Variants in GAD1 observed in about 807,000 individuals in gnomAD.
The protein encoded by GAD1 is glutamate decarboxylase 1, also known as 67 kDa glutamic acid decarboxylase.
GAD1 carries 35 observed loss-of-function variants against 75.2 expected under a neutral mutation model. The observed-to-expected ratio is 0.47, with a 90% CI of 0.36 to 0.62. GAD1 has a LOEUF of 0.62. Ranked by LOEUF, GAD1 falls within the 20% of genes least tolerant of loss-of-function variation. The pLI, the probability that GAD1 is intolerant of heterozygous loss-of-function variation, is 0.00. For synonymous variants in GAD1, 257 were observed against 271.9 expected, an observed-to-expected ratio of 0.95 and a Z score of 0.54; for missense variants, 490 against 758.5, an observed-to-expected ratio of 0.65 and a Z score of 4.16.
chr2:170,842,892 C>T (rs767448018), intron 6 of GAD1: 10 of 589,838 alleles, frequency 1.7e-5, no homozygotes, highest in African/African-American at 3.7e-5. Context: ...CTCATCCTTA[C>T]AAATAGCTTT....
At chr2:170,856,830 A>T (rs1702863968) in intron 14 of GAD1, among the ~76,000 whole-genome samples, 188 bp from the exon 15 acceptor site, 1 of 152,218 alleles carries the variant, frequency 6.6e-6, no homozygotes, top group Admixed American at 6.5e-5. Flanking sequence ...TGAAAGAGGA[A>T]GCAGGCACAC....
intron 3 of GAD1, among the ~76,000 whole-genome samples, chr2:170,827,037 C>T (rs1357705083): frequency 6.6e-6 from 1 of 152,080 alleles, no homozygotes; most frequent in East Asian, 1.9e-4. Flanking sequence ...TATTTCCCCC[C>T]TTCTCATGTC....
At chr2:170,843,249 G>C (rs1429576734) in intron 6 of GAD1, among the ~76,000 whole-genome samples, 2 of 152,164 alleles carry the variant, frequency 1.3e-5, no homozygotes, top group Non-Finnish European at 2.9e-5. Flanking sequence ...GAATTGCTTT[G>C]AAAAGAGCAT....
Position 170,844,113 on chromosome 2 carries a change from T to G in GAD1, c.707T>G (p.Ile236Arg). ...EQITLKKMREIVGWSSKDGDG... is the reference protein window; with the variant it reads ...EQITLKKMRERVGWSSKDGDG... ...ATAACACTTAAGAAGATGAGAGAGA[T>G]AGTTGGATGGTCAAGTAAAGATGGT... Residue 236 changes from isoleucine to arginine, a missense_variant, in exon 7 of 17, where the codon ATA (isoleucine) becomes AGA (arginine). Ile to Arg is a moderately conservative substitution (Grantham distance 97). Coordinates refer to ENST00000358196, the MANE Select transcript of GAD1 (RefSeq NM_000817.3). 1 of 1,610,380 alleles carries G rather than the reference T, an allele frequency of 6.2e-7. No homozygotes were observed. Among genetic ancestry groups the G allele is most frequent in the Non-Finnish European group, 8.5e-7 (1 of 1,176,656 alleles).
intron 5 of GAD1, among the ~76,000 whole-genome samples, chr2:170,834,512 C>T (rs1248922836): frequency 6.6e-6 from 1 of 152,152 alleles, no homozygotes; most frequent in South Asian, 2.1e-4. Flanking sequence ...TAACAGGCAC[C>T]AGTCAGCCTT....
chr2:170,834,005 A>G (rs1039352899), intron 5 of GAD1, among the ~76,000 whole-genome samples: 1 of 151,946 alleles, frequency 6.6e-6, no homozygotes. Flanking sequence ...TGTTTCAAAA[A>G]AAAAAAAAGA....
At chr2:170,854,389 C>T (rs1702806785) in intron 14 of GAD1, among the ~76,000 whole-genome samples, 1 of 149,510 alleles carries the variant, frequency 6.7e-6, no homozygotes, top group South Asian at 2.1e-4. Context: ...TGAGTAGAAC[C>T]TTGAATTCTT....
chr2:170,847,400 G>T (rs192517451), intron 10 of GAD1, among the ~76,000 whole-genome samples: 1 of 151,916 alleles, frequency 6.6e-6, no homozygotes, highest in Non-Finnish European at 1.5e-5. Context: ...TGTAAACTCC[G>T]CAATGACAGA....
At chr2:170,842,542 A>C in intron 6 of GAD1, 3 of 1,609,876 alleles carry the variant, frequency 1.9e-6, no homozygotes, top group Non-Finnish European at 2.6e-6. Context: ...TAAACCAGGA[A>C]TCCTTCTCTT....
rs566961236 is a variant in GAD1 at position 170,845,916 on chromosome 2, G to T, written c.948-93G>T. 2.2e-4 allele frequency: 327 copies of T among 1,465,138 alleles called. 1 individual carries two copies. The highest frequency in any genetic ancestry group is 3.0e-4 in the Non-Finnish European group (312 of 1,045,452). The allele number at this position is 1,465,138 out of a possible 1,614,324, so 90.8% of individuals were successfully genotyped here. On this transcript the variant is annotated intron_variant, in intron 9 of 16. Transcript: ENST00000358196. ...TGCTAATGGTCTGTTGAAAATATCC[G>T]ATTAAATTGCTTTTTGCTGCTGCTA...
rs936357885 is a variant in GAD1, at chr2:170,860,040, C to T, written c.*158C>T. The stretch of plus-strand genomic sequence containing the variant: ...AAACCTTACTTAAAGCTTGTTTGTT[C>T]TAGTTAGCAGGAAATAGTGTTCTTT... On this transcript the variant is annotated 3_prime_UTR_variant, in exon 17 of 17. Coordinates refer to ENST00000358196, the MANE Select transcript of GAD1 (RefSeq NM_000817.3). The T allele has an allele frequency of 5.3e-6, 4 of 754,842 alleles. No homozygotes were observed. The highest frequency in any genetic ancestry group is 5.2e-5 in the African/African-American group (3 of 57,352). 46.8% of individuals were successfully genotyped at this position (754,842 alleles called of 1,614,324 possible).
upstream of GAD1, among the ~76,000 whole-genome samples, chr2:170,813,589 C>G (rs1285921053): frequency 1.3e-5 from 2 of 152,192 alleles, no homozygotes; most frequent in African/African-American, 2.4e-5. Context: ...GTCTACTCAC[C>G]TTGACTGACC....
chr2:170,848,931 T>C (rs1702694382), intron 11 of GAD1: 1 of 420,032 alleles, frequency 2.4e-6, no homozygotes, highest in Admixed American at 3.0e-5. Context: ...CCTCAGTTTT[T>C]TGAGCAGCTT....
Position 170,857,256 on chromosome 2 carries a change from T to A in GAD1, c.1521+131T>A, listed in dbSNP as rs1292671691. ...AACTGCTTCAAAATTTTTATTCTTATACACTCTTAATTCCTCTCTTTAATT... is the reference window on the plus strand; with the variant it reads ...AACTGCTTCAAAATTTTTATTCTTAAACACTCTTAATTCCTCTCTTTAATT... On this transcript the variant is annotated intron_variant, in intron 15 of 16. Transcript: ENST00000358196. The A allele has an allele frequency of 4.4e-6, 3 of 683,068 alleles. No homozygotes were observed. The Admixed American group carries it at 7.9e-5, about 18-fold the overall frequency. The allele number at this position is 683,068 out of a possible 1,614,324, so 42.3% of individuals were successfully genotyped here.
intron 12 of GAD1, among the ~76,000 whole-genome samples, chr2:170,850,056 G>A (rs1702716233): frequency 6.6e-6 from 1 of 152,224 alleles, no homozygotes; most frequent in African/African-American, 2.4e-5. Context: ...TATTTACTGA[G>A]CACCTATCAT....
intron 11 of GAD1, 133 bp downstream of exon 11, chr2:170,847,925 A>C (rs1006647951): frequency 3.2e-5 from 24 of 754,280 alleles, no homozygotes; most frequent in Non-Finnish European, 7.3e-6. Flanking sequence ...TCTTGTCTGG[A>C]CCCTAGCCAG....
At chr2:170,830,207 T>G (rs1702186600) in intron 4 of GAD1, among the ~76,000 whole-genome samples, 1 of 152,180 alleles carries the variant, frequency 6.6e-6, no homozygotes, top group African/African-American at 2.4e-5. Flanking sequence ...GACCAGAGTA[T>G]TAAACAATAT....
intron 5 of GAD1, among the ~76,000 whole-genome samples, chr2:170,834,681 C>T (rs1279412979): frequency 6.6e-6 from 1 of 152,098 alleles, no homozygotes; most frequent in Non-Finnish European, 1.5e-5. Flanking sequence ...CAGCTTTTAC[C>T]TGTACCGCCA....
rs913103676 is a variant in GAD1, at chr2:170,816,982, C to G, written c.-130C>G. 7.8e-4 allele frequency: 151 copies of G among 193,630 alleles called. No homozygotes were observed. The highest frequency in any genetic ancestry group is 3.3e-3 in the African/African-American group (141 of 42,580). The allele number at this position is 193,630 out of a possible 1,614,324, so 12.0% of individuals were successfully genotyped here. A position where few individuals can be genotyped will look rare whatever the true frequency, so the allele number is the denominator to read the frequency against. The stretch of plus-strand genomic sequence containing the variant: ...CAGATTACGCCTGTCAGGGCCGAGC[C>G]GAGCGGATCGCTGGGCGCTGTGCAG... On this transcript the variant is annotated 5_prime_UTR_variant, in exon 1 of 17. Coordinates refer to ENST00000358196, the MANE Select transcript of GAD1 (RefSeq NM_000817.3).
Sources: allele counts gnomAD v4.1 joint callset (sites outside exome capture counted in the v4.1 genomes callset), GRCh38; gene constraint gnomAD v4.1.1; transcripts MANE v1.5; gene names NCBI Gene and HGNC (gene_info 2026-07-23, HGNC 2026-07-21).